The following GRID1 variants were observed in gnomAD, a reference collection of about 807,000 sequenced individuals.
GRID1 encodes glutamate ionotropic receptor delta type subunit 1.
In GRID1, 28 loss-of-function variants were observed where a neutral mutation model predicts 98.0. The ratio of observed to expected loss-of-function variants is 0.29; its 90% confidence interval spans 0.21 to 0.39. The LOEUF (loss-of-function observed/expected upper bound fraction) is 0.39. Among genes scored for constraint, GRID1 ranks in the 10% least tolerant of loss-of-function variants. The pLI, the probability that GRID1 is intolerant of heterozygous loss-of-function variation, is 1.00. For missense variants in GRID1, 1,111 were observed against 1,340.5 expected, an observed-to-expected ratio of 0.83 and a Z score of 2.67; for synonymous variants, 553 against 538.5, an observed-to-expected ratio of 1.03 and a Z score of -0.37.
At chr10:85,962,074 G>A (rs1341457141) in intron 4 of GRID1, among the ~76,000 whole-genome samples, 1 of 152,180 alleles carries the variant, frequency 6.6e-6, no homozygotes, top group East Asian at 1.9e-4. Flanking sequence ...GAGGACAGAG[G>A]GTGGTCTGTG....
chr10:86,301,084 C>G lies in GRID1; in HGVS notation c.235+62857G>C, dbSNP rs1847679252. ...AGGCCCTGGAGGGTCCCCTGCCATC[C>G]AAGGAAGGCTAAGGGAATAAGTGCT... On this transcript the variant is annotated intron_variant, in intron 2 of 15. Coordinates refer to ENST00000327946, the MANE Select transcript of GRID1 (RefSeq NM_017551.3). Among the ~76,000 whole-genome samples, 3 of 152,258 alleles carry G rather than the reference C, an allele frequency of 2.0e-5. No homozygotes were observed. The South Asian group carries it at 6.2e-4, about 32-fold the overall frequency.
At chr10:85,782,745 C>T (rs1279258225) in intron 8 of GRID1, among the ~76,000 whole-genome samples, 1 of 152,326 alleles carries the variant, frequency 6.6e-6, no homozygotes, top group South Asian at 2.1e-4. Flanking sequence ...ACTGCCAGGG[C>T]AGCTGCTGTG....
At chr10:85,981,806 A>G (rs1481920338) in intron 4 of GRID1, among the ~76,000 whole-genome samples, 1 of 152,206 alleles carries the variant, frequency 6.6e-6, no homozygotes, top group East Asian at 1.9e-4. Context: ...CTCTTTTGTT[A>G]CAAATGCCAA....
chr10:86,085,174 C>A (rs1246154253), intron 4 of GRID1, among the ~76,000 whole-genome samples: 1 of 152,288 alleles, frequency 6.6e-6, no homozygotes, highest in African/African-American at 2.4e-5. Flanking sequence ...GGCAGAGACA[C>A]CTACCTTTGG....
At chr10:86,180,110 G>A (rs765296166) in intron 3 of GRID1, among the ~76,000 whole-genome samples, 3 of 152,222 alleles carry the variant, frequency 2.0e-5, no homozygotes, top group Non-Finnish European at 2.9e-5. Flanking sequence ...GACAAAGGGA[G>A]GCCAGCCCAG....
At chr10:86,055,934 C>A (rs965063688) in intron 4 of GRID1, among the ~76,000 whole-genome samples, 2 of 152,202 alleles carry the variant, frequency 1.3e-5, no homozygotes, top group African/African-American at 4.8e-5. Context: ...TCGAACTTCC[C>A]AGCCTCCAGA....
At position 85,601,931 on chromosome 10, in the gene GRID1, C is replaced by A. The variant is rs553640622; in HGVS notation, c.*342G>T. On this transcript the variant is annotated 3_prime_UTR_variant, in exon 16 of 16. Coordinates refer to ENST00000327946, the MANE Select transcript of GRID1 (RefSeq NM_017551.3). Reference sequence around the variant, plus strand: ...AGCAGAGAGGGGCTCCTTATCTGGTCGCCCCTCCTGCCCTCAGAAAGGCCC... The same window carrying A: ...AGCAGAGAGGGGCTCCTTATCTGGTAGCCCCTCCTGCCCTCAGAAAGGCCC... The A allele has an allele frequency of 1.8e-5, 4 of 225,228 alleles. No individual in the cohort carries two copies. The South Asian group carries it at 6.3e-4, about 36-fold the overall frequency. The allele number at this position is 225,228 out of a possible 1,614,324, so 14.0% of individuals were successfully genotyped here. A position where few individuals can be genotyped will look rare whatever the true frequency, so the allele number is the denominator to read the frequency against.
intron 4 of GRID1, among the ~76,000 whole-genome samples, chr10:86,098,850 G>T (rs1416878542): frequency 6.6e-6 from 1 of 152,196 alleles, no homozygotes; most frequent in Non-Finnish European, 1.5e-5. Flanking sequence ...AATGATCAGT[G>T]TCATACTTAA....
At chr10:86,261,565 A>C (rs79830270) in intron 2 of GRID1, among the ~76,000 whole-genome samples, 6,043 of 152,306 alleles carry the variant, frequency 0.04, 236 homozygotes, top group Admixed American at 0.11. Flanking sequence ...TTCCTGCCCC[A>C]AGCCAGGGGC....
chr10:85,652,099 A>T lies in GRID1; in HGVS notation c.1998-4702T>A, dbSNP rs1341913433. On this transcript the variant is annotated intron_variant, in intron 12 of 15. Coordinates refer to ENST00000327946, the MANE Select transcript of GRID1 (RefSeq NM_017551.3). ...TTGTAAGCATCCCTTGCCTCTGAGA[A>T]CACTGTCCTCTAATTAAACATGCAC... Among the ~76,000 whole-genome samples, 4 of 152,174 alleles carry T rather than the reference A, an allele frequency of 2.6e-5. No individual in the cohort carries two copies. The East Asian group carries it at 7.7e-4, about 29-fold the overall frequency.
chr10:86,321,454 C>T (rs1847969721), intron 2 of GRID1, among the ~76,000 whole-genome samples: 1 of 152,102 alleles, frequency 6.6e-6, no homozygotes, highest in Non-Finnish European at 1.5e-5. Flanking sequence ...GGGTTCTTTC[C>T]TGCAGGAGCT....
chr10:85,883,605 C>T (rs767674893), intron 5 of GRID1, among the ~76,000 whole-genome samples: 18 of 150,924 alleles, frequency 1.2e-4, no homozygotes, highest in Non-Finnish European at 2.5e-4. Context: ...CCGTCATGTA[C>T]GTAATCTCAT....
intron 4 of GRID1, among the ~76,000 whole-genome samples, chr10:86,104,789 T>C (rs1844355464): frequency 6.6e-6 from 1 of 152,170 alleles, no homozygotes; most frequent in Non-Finnish European, 1.5e-5. Context: ...CCAGCTGAAT[T>C]CAGCCTGGTA....
chr10:85,642,603 G>A (rs1012318870), intron 13 of GRID1, among the ~76,000 whole-genome samples: 3 of 152,172 alleles, frequency 2.0e-5, no homozygotes, highest in African/African-American at 7.2e-5. Context: ...GACTTACTGG[G>A]TGCCAGGCAG....
At chr10:85,741,369 T>C (rs1277365547) in intron 8 of GRID1, among the ~76,000 whole-genome samples, 1 of 152,156 alleles carries the variant, frequency 6.6e-6, no homozygotes, top group African/African-American at 2.4e-5. Context: ...ATAATAAATA[T>C]ATATTTTTTT....
chr10:86,247,246 CA>C (rs1846745014), intron 2 of GRID1, among the ~76,000 whole-genome samples: 2 of 131,702 alleles, frequency 1.5e-5, no homozygotes, highest in African/African-American at 5.7e-5. Flanking sequence ...GAGGGATGGA[CA>C]GATGGATGGA....
intron 8 of GRID1, among the ~76,000 whole-genome samples, chr10:85,847,131 A>T (rs1352801878): frequency 6.6e-6 from 1 of 152,244 alleles, no homozygotes; most frequent in Non-Finnish European, 1.5e-5. Flanking sequence ...ATAACACAGT[A>T]AGCCAGGACC....
intron 2 of GRID1, among the ~76,000 whole-genome samples, chr10:86,353,959 A>G (rs929347299): frequency 6.6e-6 from 1 of 152,208 alleles, no homozygotes; most frequent in Non-Finnish European, 1.5e-5. Context: ...CTCGGCCCAG[A>G]GCTCAGGTCA....
At chr10:85,872,857 C>A (rs1202633894) in intron 5 of GRID1, among the ~76,000 whole-genome samples, 1 of 152,210 alleles carries the variant, frequency 6.6e-6, no homozygotes, top group African/African-American at 2.4e-5. Flanking sequence ...ATGCTGGCTG[C>A]CAATGTACTC....
Sources: gnomAD v4.1 joint callset for allele counts (sites outside exome capture counted in the v4.1 genomes callset) on GRCh38, gnomAD v4.1.1 for gene constraint, MANE v1.5 for transcripts, NCBI Gene and HGNC (gene_info 2026-07-23, HGNC 2026-07-21) for gene names.